ATF1: variants seen among roughly 807,000 people sequenced by gnomAD.
ATF1 encodes cyclic AMP-dependent transcription factor ATF-1.
ATF1 carries 16 observed loss-of-function variants against 34.7 expected under a neutral mutation model. That is an observed-to-expected ratio of 0.46 (90% CI 0.31 to 0.70). The LOEUF (loss-of-function observed/expected upper bound fraction) is 0.70. Among genes scored for constraint, ATF1 ranks in the 30% least tolerant of loss-of-function variants. The pLI is 0.05. For missense variants in ATF1, 255 were observed against 321.6 expected (o/e 0.79, Z 1.58); for synonymous variants, 105 against 113.1 (o/e 0.93, Z 0.46).
At chr12:50,773,444 C>CTTTTTTTTTTTTTTTTTTTTTTTTTT (rs71086476) in intron 1 of ATF1, among the ~76,000 whole-genome samples, 3 of 89,568 alleles carry the variant, frequency 3.3e-5, no homozygotes, top group African/African-American at 4.5e-5. Context: ...AATTGCCATT[C>CTTTTTTTTTTTTTTTTTTTTTTTTTT]TTTTTTTTTT....
At chr12:50,818,914 C>T (rs567112001) in intron 6 of ATF1, among the ~76,000 whole-genome samples, 22 of 152,246 alleles carry the variant, frequency 1.4e-4, no homozygotes, top group African/African-American at 4.6e-4. Context: ...CCAATACTTC[C>T]GATTTCTATA....
intron 1 of ATF1, among the ~76,000 whole-genome samples, chr12:50,773,444 CTTTTTTTTTT>C (rs71086476): frequency 1.3e-4 from 12 of 89,588 alleles, no homozygotes; most frequent in South Asian, 4.2e-4. Flanking sequence ...AATTGCCATT[CTTTTTTTTTT>C]TTTTTTTTTT....
At chr12:50,790,654 CAGAT>C (rs1339734052) in intron 2 of ATF1, among the ~76,000 whole-genome samples, 1 of 151,998 alleles carries the variant, frequency 6.6e-6, no homozygotes, top group Non-Finnish European at 1.5e-5. Context: ...TCCACTGAAA[CAGAT>C]GGAAAGCTTT....
chr12:50,802,871 C>CAA (rs71443203), intron 3 of ATF1, among the ~76,000 whole-genome samples: 23,962 of 46,766 alleles, frequency 0.51, 8,564 homozygotes, highest in Non-Finnish European at 0.62. Context: ...GACTCCATCT[C>CAA]AAAAAAAAAA....
rs529809601 is a variant in ATF1, at chr12:50,811,723, C to T, written c.328+2134C>T. On this transcript the variant is annotated intron_variant, in intron 4 of 6. Coordinates refer to ENST00000262053, the MANE Select transcript of ATF1 (RefSeq NM_005171.5). ...ATGGGATCTCTTGAGTCTGGGAGTTCGAAGTTACCGTGAACCGTGATCGTA... is the reference window on the plus strand; with the variant it reads ...ATGGGATCTCTTGAGTCTGGGAGTTTGAAGTTACCGTGAACCGTGATCGTA... Among the ~76,000 whole-genome samples, 11 of 151,154 alleles carry T rather than the reference C, an allele frequency of 7.3e-5. No individual in the cohort carries two copies. The East Asian group carries it at 1.4e-3, about 19-fold the overall frequency.
intron 4 of ATF1, among the ~76,000 whole-genome samples, chr12:50,811,061 C>G (rs892065901): frequency 9.2e-5 from 14 of 152,156 alleles, no homozygotes; most frequent in African/African-American, 3.4e-4. Flanking sequence ...CCCAGACTTC[C>G]TTACTGTACC....
chr12:50,806,530 A>C, intron 3 of ATF1: 1 of 225,584 alleles, frequency 4.4e-6, no homozygotes, highest in South Asian at 5.7e-5. Context: ...GCACAGGCCA[A>C]GGCACAGCCA....
chr12:50,809,049 A>T (rs1021251696), intron 3 of ATF1, among the ~76,000 whole-genome samples: 3 of 151,964 alleles, frequency 2.0e-5, no homozygotes, highest in African/African-American at 7.2e-5. Context: ...GATTATTATA[A>T]CTTTTACCTG....
At chr12:50,804,807 G>T (rs907256668) in intron 3 of ATF1, among the ~76,000 whole-genome samples, 3 of 151,118 alleles carry the variant, frequency 2.0e-5, no homozygotes, top group African/African-American at 7.3e-5. Context: ...AAGCCAACAA[G>T]ATCTTTTTTT....
chr12:50,765,862 A>G (rs532145077), intron 1 of ATF1, among the ~76,000 whole-genome samples: 5 of 152,330 alleles, frequency 3.3e-5, no homozygotes, highest in African/African-American at 1.2e-4. Flanking sequence ...GGGAGGCGTG[A>G]TTAATCCACC....
At chr12:50,801,374 AT>A (rs1941508051) in intron 3 of ATF1, among the ~76,000 whole-genome samples, 1 of 152,242 alleles carries the variant, frequency 6.6e-6, no homozygotes, top group Admixed American at 6.5e-5. Context: ...TAAAAATTAA[AT>A]TTTGAAAAGT....
At chr12:50,782,186 ATAAT>A (rs770082773) in intron 2 of ATF1, among the ~76,000 whole-genome samples, 3 of 152,174 alleles carry the variant, frequency 2.0e-5, no homozygotes, top group East Asian at 3.8e-4. Context: ...GTATGATAAC[ATAAT>A]TAATGTAGAA....
At chr12:50,763,846 A>G (rs1426860397), upstream of ATF1, 1 of 152,116 alleles carries the variant, frequency 6.6e-6, no homozygotes, top group Admixed American at 6.5e-5. Flanking sequence ...TACAGCTCCT[A>G]AGGAGAAACG....
chr12:50,771,146 C>T (rs1435399199), intron 1 of ATF1, among the ~76,000 whole-genome samples: 1 of 152,094 alleles, frequency 6.6e-6, no homozygotes, highest in Non-Finnish European at 1.5e-5. Flanking sequence ...GCTAGAATTA[C>T]AGGCACACAT....
chr12:50,771,585 G>T (rs1055159626), intron 1 of ATF1, among the ~76,000 whole-genome samples: 3 of 152,060 alleles, frequency 2.0e-5, no homozygotes, highest in Admixed American at 2.0e-4. Context: ...AGGATTAAGG[G>T]TTCTCTTAGA....
intron 4 of ATF1, 134 bp downstream of exon 4, chr12:50,809,723 C>A: frequency 2.1e-6 from 2 of 970,924 alleles, no homozygotes; most frequent in African/African-American, 1.6e-5. Flanking sequence ...AGGAATAATG[C>A]GAAGTACTGT....
intron 2 of ATF1, among the ~76,000 whole-genome samples, chr12:50,785,284 TACACACACACACACACACACACACAC>T (rs56040362): frequency 1.3e-3 from 164 of 128,484 alleles, no homozygotes; most frequent in East Asian, 3.1e-3. Context: ...TATATATACA[TACACACACACACACACACACACACAC>T]ACACACACAC....
intron 1 of ATF1, among the ~76,000 whole-genome samples, chr12:50,767,258 C>CT (rs981128166): frequency 1.8e-4 from 28 of 152,238 alleles, no homozygotes; most frequent in African/African-American, 6.0e-4. Context: ...TGGCTCAGGC[C>CT]TGTAATCCCA....
At chr12:50,796,118 T>G in intron 3 of ATF1, 109 bp downstream of exon 3, 3 of 923,172 alleles carry the variant, frequency 3.2e-6, no homozygotes, top group Non-Finnish European at 4.7e-6. Context: ...GTGTTAAGAA[T>G]GAAATTGGTT....
Sources: gnomAD v4.1 joint callset for allele counts (sites outside exome capture counted in the v4.1 genomes callset) on GRCh38, gnomAD v4.1.1 for gene constraint, MANE v1.5 for transcripts, NCBI Gene and HGNC (gene_info 2026-07-23, HGNC 2026-07-21) for gene names.